The following ABLIM2 variants were observed in gnomAD, a reference collection of about 807,000 sequenced individuals.
ABLIM2 encodes the protein actin-binding LIM protein 2.
ABLIM2 carries 53 observed loss-of-function variants against 97.7 expected under a neutral mutation model. The observed-to-expected ratio is 0.54, with a 90% CI of 0.44 to 0.68. The LOEUF is 0.68. Ranked by LOEUF, ABLIM2 falls within the 30% of genes least tolerant of loss-of-function variation. The pLI is 0.00. For missense variants in ABLIM2, 835 were observed against 867.2 expected, an observed-to-expected ratio of 0.96 and a Z score of 0.47; for synonymous variants, 361 against 345.8, an observed-to-expected ratio of 1.04 and a Z score of -0.49.
At chr4:8,119,487 C>T (rs1449031052) in intron 1 of ABLIM2, among the ~76,000 whole-genome samples, 1 of 151,910 alleles carries the variant, frequency 6.6e-6, no homozygotes. Context: ...GCCACCACAC[C>T]GGGATAATTT....
chr4:8,010,444 G>A (rs777892537), intron 14 of ABLIM2: 122 of 985,766 alleles, frequency 1.2e-4, no homozygotes, highest in Admixed American at 2.5e-4. Flanking sequence ...AGCGGGCGGC[G>A]GGCTCGGGCC....
Position 8,088,273 on chromosome 4 carries a change from G to A in ABLIM2, c.350C>T (p.Pro117Leu). Residue 117 changes from proline (P) to leucine (L), a missense_variant, in exon 4 of 21, where the codon CCC becomes CTC. Physicochemically the swap from Pro to Leu is moderately conservative, Grantham distance 98. Coordinates refer to ENST00000447017, the MANE Select transcript of ABLIM2 (RefSeq NM_001130083.2). ...FVCAVCRLPF[P>L]PGDRVTFNGK... ...GTTGAAGGTCACTCGGTCCCCGGGGGGGAAGGGCAGCCTGAAACAAGAGAG... is the reference window on the plus strand; with the variant it reads ...GTTGAAGGTCACTCGGTCCCCGGGGAGGAAGGGCAGCCTGAAACAAGAGAG... 3 of 1,612,440 alleles carry A rather than the reference G, an allele frequency of 1.9e-6. No individual in the cohort carries two copies. The highest frequency in any genetic ancestry group is 2.5e-6 in the Non-Finnish European group (3 of 1,179,356).
At position 8,071,759 on chromosome 4, in the gene ABLIM2, G is replaced by T; in HGVS notation, c.675+5869C>A. The T allele has an allele frequency of 2.0e-6, 2 of 981,230 alleles. No homozygotes were observed. Among genetic ancestry groups the T allele is most frequent in the Non-Finnish European group, 2.4e-6 (2 of 828,880 alleles). 60.8% of individuals were successfully genotyped at this position (981,230 alleles called of 1,614,324 possible). On this transcript the variant is annotated intron_variant, in intron 6 of 20. Coordinates refer to ENST00000447017, the MANE Select transcript of ABLIM2 (RefSeq NM_001130083.2). This position sits in a 1 kb window ranked among gnomAD's most constrained non-coding sequence, Gnocchi z 6.2. ...ATCAGCCCCTTGGAGTTGCGGGCCA[G>T]GTTTCCTACCTGCACAGCTTCTGGG...
At chr4:8,063,985 C>T (rs941263550) in intron 6 of ABLIM2, among the ~76,000 whole-genome samples, 2 of 152,186 alleles carry the variant, frequency 1.3e-5, no homozygotes, top group Non-Finnish European at 2.9e-5. Context: ...CCCTTACATG[C>T]CTACCTTATC....
At chr4:8,025,166 G>A (rs1776506274) in intron 12 of ABLIM2, among the ~76,000 whole-genome samples, 1 of 152,228 alleles carries the variant, frequency 6.6e-6, no homozygotes, top group Non-Finnish European at 1.5e-5. Context: ...GACCTCAGGT[G>A]ATCCGCCCAC....
chr4:8,027,753 C>T lies in ABLIM2; in HGVS notation c.1267+6G>A, dbSNP rs772380692. The stretch of plus-strand genomic sequence containing the variant: ...CACCCACAGCCCACATCACTGCGTG[C>T]CTTACCTCGGAAGTAGGGGATGTAA... On this transcript the variant is annotated splice_donor_region_variant and intron_variant, in intron 12 of 20. Transcript: ENST00000447017. 4 of 1,573,822 alleles carry T rather than the reference C, an allele frequency of 2.5e-6. No homozygotes were observed. The highest frequency in any genetic ancestry group is 3.4e-6 in the Non-Finnish European group (4 of 1,160,018).
rs1218417679 is a variant in ABLIM2, at chr4:8,106,626, G to A, written c.22C>T (p.Gln8Ter). The A allele has an allele frequency of 6.8e-6, 11 of 1,608,994 alleles. No homozygotes were observed. Among genetic ancestry groups the A allele is most frequent in the Non-Finnish European group, 9.3e-6 (11 of 1,177,674 alleles). Residue 8 changes from glutamine (Q) to a stop codon, truncating the protein, a stop_gained, in exon 2 of 21, where the codon CAG (glutamine) becomes TAG (stop). Transcript: ENST00000447017. LOFTEE classifies it high-confidence loss of function. ...TTCTCCAGCGGGCTGGGAGCAGCCT[G>A]GGGCTGCGACACTGTTGGGAAAGAG... The part of the protein sequence containing the change: MSAVSQP[Q>*]AAPSPLEKSP...
intron 10 of ABLIM2, among the ~76,000 whole-genome samples, chr4:8,031,526 G>A (rs1476061324): frequency 3.9e-5 from 6 of 152,196 alleles, no homozygotes; most frequent in Admixed American, 6.5e-5. Flanking sequence ...GGGGCAGGTT[G>A]TCTGGAGCAG....
At chr4:8,097,407 A>C in intron 2 of ABLIM2, 125 bp from the exon 3 acceptor site, 1 of 1,202,676 alleles carries the variant, frequency 8.3e-7, no homozygotes, top group Non-Finnish European at 1.1e-6. Context: ...GCCTCGGCAC[A>C]CACTTGGGGT....
rs554024087 is a variant in ABLIM2 at position 7,999,286 on chromosome 4, G to A, written c.1619-6359C>T. On this transcript the variant is annotated intron_variant, in intron 16 of 20. Coordinates refer to ENST00000447017, the MANE Select transcript of ABLIM2 (RefSeq NM_001130083.2). This position sits in a 1 kb window ranked among gnomAD's most constrained non-coding sequence, Gnocchi z 4.4. ...GTTGGTCAGGCTATCTCGAACTCCC[G>A]ACCTCAGGTGATCTGCCTGCCTCGG... Among the ~76,000 whole-genome samples the A allele has an allele frequency of 7.2e-5, 11 of 152,168 alleles. 1 individual carries two copies. The South Asian group carries it at 1.5e-3, about 20-fold the overall frequency.
chr4:8,092,381 C>T (rs1577641939), intron 3 of ABLIM2, among the ~76,000 whole-genome samples: 1 of 152,138 alleles, frequency 6.6e-6, no homozygotes, highest in Non-Finnish European at 1.5e-5. Context: ...GAAAGTTAAG[C>T]TGGGAACGGA....
rs575536833 is a variant in ABLIM2, at chr4:8,045,175, G to T, written c.889C>A (p.Arg297Ser). 1.2e-6 allele frequency: 2 copies of T among 1,613,778 alleles called. No homozygotes were observed. Among genetic ancestry groups the T allele is most frequent in the Non-Finnish European group, 8.5e-7 (1 of 1,179,730 alleles). Reference protein sequence around the residue: ...PASSTSGSPSRVIYAKLGGEI... With the variant: ...PASSTSGSPSSVIYAKLGGEI... Reference sequence around the variant, plus strand: ...AGGCCCTGACTTACATAAATCACACGGCTCGGAGACCCTGAGGTGCTGGAA... The same window carrying T: ...AGGCCCTGACTTACATAAATCACACTGCTCGGAGACCCTGAGGTGCTGGAA... Residue 297 changes from arginine (R) to serine (S), a missense_variant, in exon 9 of 21, where the codon CGT becomes AGT. Arg to Ser is a moderately radical substitution (Grantham distance 110, BLOSUM62 -1). Transcript: ENST00000447017.
At chr4:7,972,130 C>G (rs1330683154) in intron 20 of ABLIM2, among the ~76,000 whole-genome samples, 2 of 152,194 alleles carry the variant, frequency 1.3e-5, no homozygotes, top group Non-Finnish European at 2.9e-5. Flanking sequence ...GCCATTGCCC[C>G]TCCAGGAGAG....
chr4:7,974,985 G>A (rs1188493844), intron 20 of ABLIM2, among the ~76,000 whole-genome samples: 1 of 152,234 alleles, frequency 6.6e-6, no homozygotes, highest in Non-Finnish European at 1.5e-5. Flanking sequence ...TTGGGAGGCT[G>A]AGGTGGGAGG....
chr4:8,058,321 G>C lies in ABLIM2; in HGVS notation c.763+2646C>G, dbSNP rs577282949. ...GACTCAAGGAACAGGCGACACCGGG[G>C]ACGAGGCTGTCCTGTCTGACATCAC... On this transcript the variant is annotated intron_variant, in intron 7 of 20. Transcript: ENST00000447017. The surrounding 1 kb of genome is among the most constrained non-coding windows in gnomAD (Gnocchi z 4.2). 2.6e-5 allele frequency among the ~76,000 whole-genome samples: 4 copies of C among 152,238 alleles called. No homozygotes were observed. Among genetic ancestry groups the C allele is most frequent in the African/African-American group, 9.6e-5 (4 of 41,468 alleles).
At chr4:8,010,766 C>G (rs1192751703) in intron 14 of ABLIM2, 3 of 212,084 alleles carry the variant, frequency 1.4e-5, no homozygotes, top group Non-Finnish European at 2.4e-5. Context: ...GGGCAGGGAG[C>G]TCCGGGGGAC....
At chr4:7,997,882 TTTTTTC>T (rs374895787) in intron 16 of ABLIM2, among the ~76,000 whole-genome samples, 15 of 152,052 alleles carry the variant, frequency 9.9e-5, no homozygotes, top group African/African-American at 3.6e-4. Context: ...TTTTTTTTCT[TTTTTTC>T]TTTTTTTTTT....
At chr4:8,050,699 G>A (rs957059038) in intron 8 of ABLIM2, among the ~76,000 whole-genome samples, 12 of 152,020 alleles carry the variant, frequency 7.9e-5, no homozygotes, top group Admixed American at 7.2e-4. Flanking sequence ...AGAGCAGGAG[G>A]GCTCTCCCTC....
At chr4:8,020,385 T>C (rs1021560706) in intron 12 of ABLIM2, 82 bp from the exon 13 acceptor site, 11 of 1,268,456 alleles carry the variant, frequency 8.7e-6, no homozygotes, top group Non-Finnish European at 1.1e-5. Flanking sequence ...AAAAGCTTAT[T>C]TGCAGCGAGC....
Sources: gnomAD v4.1 joint callset for allele counts (sites outside exome capture counted in the v4.1 genomes callset) on GRCh38, gnomAD v4.1.1 for gene constraint, Gnocchi (gnomAD v3.1) non-coding constraint, MANE v1.5 for transcripts, NCBI Gene and HGNC (gene_info 2026-07-23, HGNC 2026-07-21) for gene names.